Variants in PML observed in about 807,000 individuals in gnomAD.
PML encodes protein PML.
In PML, 28 loss-of-function variants were observed where a neutral mutation model predicts 65.2. That is an observed-to-expected ratio of 0.43 (90% CI 0.32 to 0.59). PML has a LOEUF of 0.59. Among genes scored for constraint, PML ranks in the 20% least tolerant of loss-of-function variants. The pLI is 0.08. For synonymous variants in PML, 500 were observed against 508.8 expected, an observed-to-expected ratio of 0.98 and a Z score of 0.23; for missense variants, 1,021 against 1,203.4, an observed-to-expected ratio of 0.85 and a Z score of 2.24.
At chr15:74,039,190 G>A (rs1324089910) in intron 7 of PML, among the ~76,000 whole-genome samples, 1 of 152,202 alleles carries the variant, frequency 6.6e-6, no homozygotes, top group Non-Finnish European at 1.5e-5. Context: ...GCTGATCCAG[G>A]GGAGGGGCCG....
chr15:73,998,896 CAAGT>C (rs1359261458), intron 2 of PML, among the ~76,000 whole-genome samples: 1 of 152,116 alleles, frequency 6.6e-6, no homozygotes, highest in Non-Finnish European at 1.5e-5. Context: ...GGATCAGAGA[CAAGT>C]AGTTAGTTTC....
At chr15:74,029,484 C>T (rs895840772) in intron 4 of PML, among the ~76,000 whole-genome samples, 1 of 151,916 alleles carries the variant, frequency 6.6e-6, no homozygotes, top group Non-Finnish European at 1.5e-5. Context: ...ATTAGCCGGG[C>T]GTGATGGCAG....
chr15:74,041,950 T>C (rs372068436), intron 7 of PML, among the ~76,000 whole-genome samples: 33 of 152,364 alleles, frequency 2.2e-4, no homozygotes, highest in African/African-American at 7.2e-4. Context: ...ATCCTGTCCA[T>C]GTCTCTTCCT....
intron 1 of PML, among the ~76,000 whole-genome samples, chr15:73,995,669 C>T (rs1297348567): frequency 1.3e-5 from 2 of 152,214 alleles, no homozygotes; most frequent in Non-Finnish European, 2.9e-5. Context: ...CATTTATGAG[C>T]ACTTCAAATG....
In PML at chr15:74,019,472, A is replaced by G. The variant is rs2070740020; in HGVS notation, c.603-3356A>G. Among the ~76,000 whole-genome samples the G allele has an allele frequency of 2.0e-5, 3 of 152,258 alleles. No homozygotes were observed. In the South Asian group the frequency reaches 6.2e-4, roughly 32 times the overall value. On this transcript the variant is annotated intron_variant, in intron 2 of 8. Coordinates refer to ENST00000268058, the MANE Select transcript of PML (RefSeq NM_033238.3). ...TTCAAAAAAAGGAATACATTCATAC[A>G]TTCACAAGGCTCAAACATAATCTAA... is the stretch of plus-strand genomic sequence containing the variant.
intron 5 of PML, 152 bp from the exon 6 acceptor site, chr15:74,033,004 G>T: frequency 2.3e-6 from 2 of 855,982 alleles, no homozygotes; most frequent in Non-Finnish European, 3.8e-6. Flanking sequence ...AAGGCTTCCT[G>T]TCTGAAGAGA....
intron 5 of PML, 123 bp downstream of exon 5, chr15:74,032,838 C>G: frequency 9.2e-7 from 1 of 1,087,256 alleles, no homozygotes; most frequent in Non-Finnish European, 1.4e-6. Context: ...AAAGTGTTTG[C>G]TCAACGCCTT....
intron 1 of PML, among the ~76,000 whole-genome samples, chr15:73,995,205 G>A (rs1258556719): frequency 6.6e-6 from 1 of 152,258 alleles, no homozygotes; most frequent in Non-Finnish European, 1.5e-5. Context: ...AAGGTGAGAA[G>A]GGTCAGTGGC....
chr15:74,009,862 G>A lies in PML; in HGVS notation c.602+11386G>A, dbSNP rs546993882. Among the ~76,000 whole-genome samples, 5 of 152,252 alleles carry A rather than the reference G, an allele frequency of 3.3e-5. No individual in the cohort carries two copies. The South Asian group carries it at 1.0e-3, about 32-fold the overall frequency. On this transcript the variant is annotated intron_variant, in intron 2 of 8. Coordinates refer to ENST00000268058, the MANE Select transcript of PML (RefSeq NM_033238.3). ...GCCACCACGCCCAGCCAGAAGCAGGGAATTTAAAGCAGCGCAAGCCAAGAT... is the reference window on the plus strand; with the variant it reads ...GCCACCACGCCCAGCCAGAAGCAGGAAATTTAAAGCAGCGCAAGCCAAGAT...
intron 2 of PML, among the ~76,000 whole-genome samples, chr15:74,008,263 G>A (rs1028211145): frequency 1.3e-5 from 2 of 152,226 alleles, no homozygotes; most frequent in African/African-American, 4.8e-5. Context: ...GGCACTAGAA[G>A]GGTGAGTTGG....
Position 73,995,737 on chromosome 15 carries a change from TTTG to T in PML, c.129+799_129+801del, listed in dbSNP as rs138088975. 1.2e-3 allele frequency among the ~76,000 whole-genome samples: 188 copies of T among 151,206 alleles called. 1 individual carries two copies. The highest frequency in any genetic ancestry group is 4.2e-3 in the African/African-American group (176 of 41,438). ...TTTTGTTGTTGTTTGTTTGTTTTGC[TTTG>T]TTTTTTGTTTGTTTGTTTATCTGTT... On this transcript the variant is annotated intron_variant, in intron 1 of 8. Transcript: ENST00000268058.
rs748479176 is a variant in PML at position 73,994,936 on chromosome 15, A to G, written c.124A>G (p.Thr42Ala). 5.8e-6 allele frequency: 9 copies of G among 1,542,708 alleles called. No homozygotes were observed. In the African/African-American group the frequency reaches 8.3e-5, roughly 14 times the overall value. ...CCAGCCCAGCCCCAGCCCCAGCCCTACAGAGGTACTATTGGGTTAGGGGAT... is the reference window on the plus strand; with the variant it reads ...CCAGCCCAGCCCCAGCCCCAGCCCTGCAGAGGTACTATTGGGTTAGGGGAT... ...GRQPSPSPSP[T>A]ERAPASEEEF... Residue 42 changes from threonine (T) to alanine (A), a missense_variant, in exon 1 of 9, where the codon ACA becomes GCA. Thr to Ala is a moderately conservative substitution (Grantham distance 58). Transcript: ENST00000268058.
chr15:74,031,145 C>T (rs2071304102), intron 4 of PML: 1 of 317,856 alleles, frequency 3.1e-6, no homozygotes, highest in Non-Finnish European at 6.3e-6. Context: ...TCCCATTTCC[C>T]CCTCCCCCAT....
intron 1 of PML, among the ~76,000 whole-genome samples, chr15:73,996,821 T>C (rs539340137): frequency 6.6e-6 from 1 of 152,350 alleles, no homozygotes; most frequent in East Asian, 1.9e-4. Context: ...TGGTAACTTC[T>C]AATCTACCTT....
chr15:74,009,400 T>C (rs1346989272), intron 2 of PML, among the ~76,000 whole-genome samples: 1 of 152,164 alleles, frequency 6.6e-6, no homozygotes, highest in Non-Finnish European at 1.5e-5. Context: ...TGGGATTGCT[T>C]CCTGGCCTGC....
intron 4 of PML, among the ~76,000 whole-genome samples, chr15:74,030,568 G>A (rs1211157981): frequency 6.6e-6 from 1 of 152,168 alleles, no homozygotes; most frequent in East Asian, 1.9e-4. Flanking sequence ...AGAATCGCTT[G>A]AACCCAGAAA....
Position 74,045,122 on chromosome 15 carries a change from A to T in PML, c.*114A>T. Reference sequence around the variant, plus strand: ...TCCTGGTACCCAGCCCTCAGTTGTCATTTGGTTCAGAATCAGTTCCCTTTC... The same window carrying T: ...TCCTGGTACCCAGCCCTCAGTTGTCTTTTGGTTCAGAATCAGTTCCCTTTC... On this transcript the variant is annotated 3_prime_UTR_variant, in exon 9 of 9. Transcript: ENST00000268058. 1.0e-6 allele frequency: 1 copy of T among 972,048 alleles called. No homozygotes were observed. The highest frequency in any genetic ancestry group is 1.7e-5 in the South Asian group (1 of 60,402). The allele number at this position is 972,048 out of a possible 1,614,324, so 60.2% of individuals were successfully genotyped here. A position where few individuals can be genotyped will look rare whatever the true frequency, so the allele number is the denominator to read the frequency against.
At position 74,034,877 on chromosome 15, in the gene PML, C is replaced by T. The variant is rs190263815; in HGVS notation, c.1710+347C>T. On this transcript the variant is annotated intron_variant, in intron 7 of 8. Coordinates refer to ENST00000268058, the MANE Select transcript of PML (RefSeq NM_033238.3). ...GAGGAGGGCTGGACAAGAATCCATTCCTTGGTTTATTACAGCCAGTGGGGG... is the reference window on the plus strand; with the variant it reads ...GAGGAGGGCTGGACAAGAATCCATTTCTTGGTTTATTACAGCCAGTGGGGG... 1.1e-3 allele frequency: 1,568 copies of T among 1,437,502 alleles called. 1 individual carries two copies. Among genetic ancestry groups the T allele is most frequent in the Admixed American group, 2.2e-3 (77 of 35,214 alleles). 89.0% of individuals were successfully genotyped at this position (1,437,502 alleles called of 1,614,324 possible).
chr15:73,998,012 C>T lies in PML; in HGVS notation c.138C>T (p.Pro46=), dbSNP rs959390065. The T allele has an allele frequency of 1.2e-6, 2 of 1,612,014 alleles. No homozygotes were observed. The highest frequency in any genetic ancestry group is 1.7e-6 in the Non-Finnish European group (2 of 1,179,758). Residue 46 remains proline (P), a synonymous_variant, in exon 2 of 9, where the codon CCC becomes CCT. Transcript: ENST00000268058. ...CCTCTCTGGTCCCCCAGCGAGCCCC[C>T]GCTTCGGAGGAGGAGTTCCAGTTTC... ...SPSPSPTERA[P]ASEEEFQFLR...
Sources: gnomAD v4.1 joint callset for allele counts (sites outside exome capture counted in the v4.1 genomes callset) on GRCh38, gnomAD v4.1.1 for gene constraint, MANE v1.5 for transcripts, NCBI Gene and HGNC (gene_info 2026-07-23, HGNC 2026-07-21) for gene names.